SCHIP1: variants seen among roughly 807,000 people sequenced by gnomAD.
SCHIP1 encodes the protein schwannomin-interacting protein 1.
In SCHIP1, 8 loss-of-function variants were observed where a neutral mutation model predicts 29.7. The ratio of observed to expected loss-of-function variants is 0.27; its 90% CI spans 0.16 to 0.49. The LOEUF (loss-of-function observed/expected upper bound fraction) is 0.49, where lower values mean the gene tolerates loss of function less well. Among genes scored for constraint, SCHIP1 ranks in the 20% least tolerant of loss-of-function variants. The pLI is 0.99. For synonymous variants in SCHIP1, 76 were observed against 94.9 expected, an observed-to-expected ratio of 0.80 and a Z score of 1.16; for missense variants, 193 against 294.6, an observed-to-expected ratio of 0.66 and a Z score of 2.52.
the SCHIP1 span, among the ~76,000 whole-genome samples, chr3:159,596,013 G>T: frequency 1.3e-5 from 2 of 152,152 alleles, no homozygotes; most frequent in African/African-American, 2.4e-5. Flanking sequence ...GAATGAACAG[G>T]CAACCTACAG....
chr3:159,719,197 C>T, the SCHIP1 span, among the ~76,000 whole-genome samples: 3 of 152,150 alleles, frequency 2.0e-5, no homozygotes, highest in African/African-American at 7.2e-5. Flanking sequence ...AAGCTGAAAC[C>T]CGATCCCTTC....
chr3:159,757,784 TCTC>T, the SCHIP1 span, among the ~76,000 whole-genome samples: 38 of 152,218 alleles, frequency 2.5e-4, no homozygotes, highest in Middle Eastern at 3.4e-3. Flanking sequence ...CCTGAAGAGT[TCTC>T]CTCTGTCCCA....
the SCHIP1 span, among the ~76,000 whole-genome samples, chr3:159,500,899 CA>C: frequency 6.6e-6 from 1 of 151,978 alleles, no homozygotes; most frequent in African/African-American, 2.4e-5. Flanking sequence ...GTCTATTTTC[CA>C]ATTAAAAGCT....
At chr3:159,435,156 T>C in the SCHIP1 span, among the ~76,000 whole-genome samples, 13 of 152,302 alleles carry the variant, frequency 8.5e-5, no homozygotes, top group Admixed American at 8.5e-4. Flanking sequence ...AAGTCACATG[T>C]CTTCTCCAAG....
chr3:159,830,173 A>G, the SCHIP1 span, among the ~76,000 whole-genome samples: 7 of 152,220 alleles, frequency 4.6e-5, no homozygotes, highest in Non-Finnish European at 7.3e-5. Flanking sequence ...CTTTACATTT[A>G]GTTCTATGTA....
the SCHIP1 span, chr3:159,764,888 G>A: frequency 6.4e-7 from 1 of 1,572,564 alleles, no homozygotes; most frequent in East Asian, 2.4e-5. This position sits in a 1 kb window ranked among gnomAD's most constrained non-coding sequence, Gnocchi z 6.1. Flanking sequence ...GTGGTGGCTG[G>A]CCGGCCGAGC....
chr3:159,586,213 A>T, the SCHIP1 span, among the ~76,000 whole-genome samples: 1 of 152,050 alleles, frequency 6.6e-6, no homozygotes, highest in South Asian at 2.1e-4. Flanking sequence ...GGCCACAGGG[A>T]TGTCTATTTC....
the SCHIP1 span, among the ~76,000 whole-genome samples, chr3:159,823,210 C>T: frequency 2.0e-5 from 3 of 151,982 alleles, no homozygotes; most frequent in Non-Finnish European, 2.9e-5. Context: ...AGACAGTAGA[C>T]GTAAAGGTGC....
chr3:159,312,980 A>G, the SCHIP1 span, among the ~76,000 whole-genome samples: 1 of 152,206 alleles, frequency 6.6e-6, no homozygotes. Context: ...CACAAATGTC[A>G]TATCCTTTCT....
chr3:159,432,514 A>G, the SCHIP1 span, among the ~76,000 whole-genome samples: 1 of 152,162 alleles, frequency 6.6e-6, no homozygotes, highest in African/African-American at 2.4e-5. Flanking sequence ...AAAGGGAACC[A>G]GGCTCTACCA....
chr3:159,352,349 G>A, the SCHIP1 span, among the ~76,000 whole-genome samples: 1 of 152,146 alleles, frequency 6.6e-6, no homozygotes, highest in African/African-American at 2.4e-5. Flanking sequence ...TCTTACGTAG[G>A]TAGGTTCTTC....
the SCHIP1 span, among the ~76,000 whole-genome samples, chr3:159,285,880 T>C: frequency 6.6e-6 from 1 of 152,152 alleles, no homozygotes; most frequent in Non-Finnish European, 1.5e-5. Context: ...TTTCCTATTC[T>C]CTTTAGTTTC....
the SCHIP1 span, among the ~76,000 whole-genome samples, chr3:159,461,598 CAG>C: frequency 6.7e-6 from 1 of 149,054 alleles, no homozygotes; most frequent in Non-Finnish European, 1.5e-5. Context: ...TTTTTTGAGA[CAG>C]AGTCTCACTC....
At chr3:159,323,519 C>T in the SCHIP1 span, among the ~76,000 whole-genome samples, 2 of 152,042 alleles carry the variant, frequency 1.3e-5, no homozygotes, top group African/African-American at 2.4e-5. Flanking sequence ...ATAGTTTCAC[C>T]GTAGTCTGTC....
At chr3:159,620,716 A>T in the SCHIP1 span, among the ~76,000 whole-genome samples, 1 of 152,328 alleles carries the variant, frequency 6.6e-6, no homozygotes, top group African/African-American at 2.4e-5. Context: ...TGCTGGGCAC[A>T]TTCTGTGTGA....
rs571012096 is a variant in SCHIP1 at position 159,886,379 on chromosome 3, G to A, written c.267+55G>A. On this transcript the variant is annotated intron_variant, in intron 3 of 6. Coordinates refer to ENST00000445224, the Ensembl canonical transcript of SCHIP1. ...GGTGTTGTGATTTCCGGGCCATTTA[G>A]CTTCTTTTCTGTTGTAAGGTGAATC... The A allele has an allele frequency of 3.9e-5, 59 of 1,528,742 alleles. No individual in the cohort carries two copies. In the African/African-American group the frequency reaches 7.6e-4, roughly 20 times the overall value. The allele number at this position is 1,528,742 out of a possible 1,614,324, so 94.7% of individuals were successfully genotyped here.
At chr3:159,681,781 C>T in the SCHIP1 span, among the ~76,000 whole-genome samples, 23 of 151,726 alleles carry the variant, frequency 1.5e-4, no homozygotes, top group South Asian at 1.2e-3. Context: ...TGGTTTAACT[C>T]AACGTTAACT....
At chr3:159,514,520 T>C in the SCHIP1 span, among the ~76,000 whole-genome samples, 1 of 152,232 alleles carries the variant, frequency 6.6e-6, no homozygotes, top group East Asian at 1.9e-4. Flanking sequence ...ATTGAATGAA[T>C]GAATGCGTCA....
chr3:159,576,099 A>T, the SCHIP1 span, among the ~76,000 whole-genome samples: 1 of 152,204 alleles, frequency 6.6e-6, no homozygotes, highest in Non-Finnish European at 1.5e-5. Flanking sequence ...AAAAAGCTAG[A>T]AAAGAGGATT....
Sources: gnomAD v4.1 joint callset for allele counts (sites outside exome capture counted in the v4.1 genomes callset) on GRCh38, gnomAD v4.1.1 for gene constraint, Gnocchi (gnomAD v3.1) non-coding constraint, MANE v1.5 for transcripts, NCBI Gene and HGNC (gene_info 2026-07-23, HGNC 2026-07-21) for gene names.